CPNE4: variants seen among roughly 807,000 people sequenced by gnomAD.
CPNE4 encodes the protein copine-4.
In CPNE4, 25 loss-of-function variants were observed where a neutral mutation model predicts 67.9. The observed-to-expected ratio is 0.37, with a 90% CI of 0.27 to 0.51. CPNE4 has a LOEUF of 0.51. Among genes scored for constraint, CPNE4 ranks in the 20% least tolerant of loss-of-function variants. The pLI, the probability that CPNE4 is intolerant of heterozygous loss-of-function variation, is 0.93. For synonymous variants in CPNE4, 242 were observed against 244.9 expected (o/e 0.99, Z 0.11); for missense variants, 464 against 690.8 (o/e 0.67, Z 3.68).
intron 2 of CPNE4, among the ~76,000 whole-genome samples, chr3:131,752,592 T>TAAA (rs1372103139): frequency 6.6e-6 from 1 of 152,190 alleles, no homozygotes; most frequent in Non-Finnish European, 1.5e-5. Context: ...TATTCTTATG[T>TAAA]TTGTTTTACA....
chr3:131,784,361 A>G (rs987769070), intron 2 of CPNE4, among the ~76,000 whole-genome samples: 1 of 152,016 alleles, frequency 6.6e-6, no homozygotes, highest in African/African-American at 2.4e-5. Flanking sequence ...AAAATAGAAT[A>G]ATTTATAGCA....
intron 1 of CPNE4, among the ~76,000 whole-genome samples, chr3:132,007,548 G>A (rs1881909): frequency 0.59 from 90,277 of 151,930 alleles, 27,652 homozygotes; most frequent in South Asian, 0.7. Flanking sequence ...TAAGTTGCAC[G>A]TTGACTATCT....
At chr3:131,717,936 T>G (rs1339398031) in intron 3 of CPNE4, among the ~76,000 whole-genome samples, 1 of 148,336 alleles carries the variant, frequency 6.7e-6, no homozygotes, top group Non-Finnish European at 1.5e-5. Context: ...CTTTCTTTCT[T>G]TCTTTCTTTT....
At chr3:131,957,226 A>G (rs2072004629) in intron 1 of CPNE4, among the ~76,000 whole-genome samples, 1 of 152,210 alleles carries the variant, frequency 6.6e-6, no homozygotes, top group East Asian at 1.9e-4. Flanking sequence ...CCAAACTGCA[A>G]AAATAACAGT....
chr3:131,905,769 T>G (rs1461840652), intron 1 of CPNE4, among the ~76,000 whole-genome samples: 3 of 152,188 alleles, frequency 2.0e-5, no homozygotes, highest in African/African-American at 7.2e-5. Context: ...AATCCAGCTC[T>G]TCAATAAGTG....
At chr3:131,843,660 T>C (rs1280109500) in intron 2 of CPNE4, among the ~76,000 whole-genome samples, 1 of 152,200 alleles carries the variant, frequency 6.6e-6, no homozygotes, top group Non-Finnish European at 1.5e-5. Context: ...TTCCAGCTTT[T>C]TAAAAATCTC....
intron 2 of CPNE4, among the ~76,000 whole-genome samples, chr3:131,829,327 T>C (rs2085284269): frequency 6.6e-6 from 1 of 152,202 alleles, no homozygotes; most frequent in Admixed American, 6.5e-5. Context: ...AATGGTGTAT[T>C]TTTTGAGAAC....
At chr3:131,858,305 T>C (rs1467820561) in intron 2 of CPNE4, among the ~76,000 whole-genome samples, 1 of 152,110 alleles carries the variant, frequency 6.6e-6, no homozygotes, top group East Asian at 1.9e-4. Context: ...AATAGTTGAG[T>C]TGGTTTTCTC....
intron 2 of CPNE4, among the ~76,000 whole-genome samples, chr3:131,880,143 T>TTTG: frequency 6.6e-6 from 1 of 151,448 alleles, no homozygotes; most frequent in African/African-American, 2.4e-5. Flanking sequence ...TTTTTTTTTT[T>TTTG]TGAGACGGAG....
At chr3:131,747,436 T>C (rs1450296468) in intron 2 of CPNE4, among the ~76,000 whole-genome samples, 1 of 150,474 alleles carries the variant, frequency 6.6e-6, no homozygotes, top group Non-Finnish European at 1.5e-5. Flanking sequence ...TAGTCCATTT[T>C]GAGTTGATTT....
chr3:131,962,288 T>C (rs947081050), intron 1 of CPNE4, among the ~76,000 whole-genome samples: 10 of 152,244 alleles, frequency 6.6e-5, no homozygotes, highest in African/African-American at 2.4e-4. Flanking sequence ...TGAAGAGATG[T>C]CTTTTCTTTT....
At position 131,972,318 on chromosome 3, in the gene CPNE4, G is replaced by A. The variant is rs563173833; in HGVS notation, c.-2+62249C>T. Reference sequence around the variant, plus strand: ...GAAAGTCTATAGTTCTCTGCCCGATGAATTCCTCAAGTTCAGCTAGCCAAC... The same window carrying A: ...GAAAGTCTATAGTTCTCTGCCCGATAAATTCCTCAAGTTCAGCTAGCCAAC... On this transcript the variant is annotated intron_variant, in intron 1 of 15. Transcript: ENST00000429747. Among the ~76,000 whole-genome samples the A allele has an allele frequency of 5.3e-5, 8 of 152,254 alleles. No homozygotes were observed. The South Asian group carries it at 6.2e-4, about 12-fold the overall frequency.
At chr3:131,920,123 A>G (rs2070700432) in intron 1 of CPNE4, among the ~76,000 whole-genome samples, 1 of 152,150 alleles carries the variant, frequency 6.6e-6, no homozygotes, top group African/African-American at 2.4e-5. Context: ...CTGCAGGCCA[A>G]AGCCTACATT....
intron 2 of CPNE4, among the ~76,000 whole-genome samples, chr3:131,730,338 C>A (rs2082099104): frequency 6.6e-6 from 1 of 152,048 alleles, no homozygotes; most frequent in Non-Finnish European, 1.5e-5. Context: ...TACAAATGAT[C>A]CTATTAAATA....
intron 2 of CPNE4, among the ~76,000 whole-genome samples, chr3:131,871,155 GA>G (rs1390188576): frequency 6.6e-6 from 1 of 152,054 alleles, no homozygotes; most frequent in Non-Finnish European, 1.5e-5. Flanking sequence ...AAGGGTAAAG[GA>G]GAAAGAACTA....
At chr3:131,728,049 C>T (rs1458328996) in intron 2 of CPNE4, among the ~76,000 whole-genome samples, 9 of 152,098 alleles carry the variant, frequency 5.9e-5, no homozygotes, top group African/African-American at 2.2e-4. Context: ...CATGTATTTC[C>T]TCTTCTTTTG....
intron 2 of CPNE4, among the ~76,000 whole-genome samples, chr3:131,852,524 T>A (rs577948801): frequency 3.9e-5 from 6 of 151,972 alleles, no homozygotes; most frequent in Non-Finnish European, 5.9e-5. Flanking sequence ...CTGAGTGTCA[T>A]AAAGCACATC....
intron 7 of CPNE4, among the ~76,000 whole-genome samples, chr3:131,667,651 C>A (rs1290913851): frequency 6.6e-6 from 1 of 151,668 alleles, no homozygotes; most frequent in Non-Finnish European, 1.5e-5. Flanking sequence ...TTCTTTTCCT[C>A]TATTCTTCCT....
intron 2 of CPNE4, among the ~76,000 whole-genome samples, chr3:131,750,924 T>C (rs972758881): frequency 4.6e-5 from 7 of 152,122 alleles, no homozygotes; most frequent in African/African-American, 1.7e-4. Flanking sequence ...GGGTATAGGA[T>C]TCTGAGTTGA....
Sources: allele counts gnomAD v4.1 joint callset (sites outside exome capture counted in the v4.1 genomes callset), GRCh38; gene constraint gnomAD v4.1.1; transcripts MANE v1.5; gene names NCBI Gene and HGNC (gene_info 2026-07-23, HGNC 2026-07-21).